The following ZMAT4 variants were observed in gnomAD, a reference collection of about 807,000 sequenced individuals.
ZMAT4 encodes the protein zinc finger matrin-type protein 4.
Under a neutral mutation model 28.7 loss-of-function variants are expected in ZMAT4, and 17 were observed. The observed-to-expected ratio is 0.59, with a 90% CI of 0.41 to 0.89. The LOEUF is 0.89. ZMAT4 is among the 40% of genes least tolerant of loss of function. The pLI is 0.00. For synonymous variants in ZMAT4, 117 were observed against 109.2 expected (o/e 1.07, Z -0.44); for missense variants, 240 against 283.8 (o/e 0.85, Z 1.11).
intron 3 of ZMAT4, among the ~76,000 whole-genome samples, chr8:40,747,619 T>C (rs1812293967): frequency 6.6e-6 from 1 of 151,324 alleles, no homozygotes. Flanking sequence ...CACATAAAAA[T>C]GCAAAGTATG....
At chr8:40,751,831 A>G (rs1812465090) in intron 3 of ZMAT4, among the ~76,000 whole-genome samples, 1 of 152,124 alleles carries the variant, frequency 6.6e-6, no homozygotes, top group Admixed American at 6.5e-5. Context: ...ATAATTTTTA[A>G]AATTATAATT....
chr8:40,802,308 G>GA (rs1814883700), intron 2 of ZMAT4, among the ~76,000 whole-genome samples: 1 of 152,132 alleles, frequency 6.6e-6, no homozygotes, highest in African/African-American at 2.4e-5. Context: ...CAAATGACAT[G>GA]ATTGTTTTTA....
In ZMAT4 at chr8:40,692,531, G is replaced by A. The variant is rs935826958; in HGVS notation, c.349+4714C>T. 2.0e-4 allele frequency among the ~76,000 whole-genome samples: 31 copies of A among 152,138 alleles called. 1 individual carries two copies. Among genetic ancestry groups the A allele is most frequent in the African/African-American group, 7.0e-4 (29 of 41,430 alleles). Reference sequence around the variant, plus strand: ...ATTTCTTGTTCGTGCAAAGTCTAACGCAGTTGAATGGCTCTCTTCCATCTT... The same window carrying A: ...ATTTCTTGTTCGTGCAAAGTCTAACACAGTTGAATGGCTCTCTTCCATCTT... On this transcript the variant is annotated intron_variant, in intron 4 of 6. Transcript: ENST00000297737.
chr8:40,742,641 C>T (rs1812055415), intron 3 of ZMAT4, among the ~76,000 whole-genome samples: 1 of 152,066 alleles, frequency 6.6e-6, no homozygotes, highest in African/African-American at 2.4e-5. Flanking sequence ...TTCATTTCCT[C>T]CCTCTAATCT....
intron 6 of ZMAT4, among the ~76,000 whole-genome samples, chr8:40,577,058 A>G (rs1804290957): frequency 6.6e-6 from 1 of 152,060 alleles, no homozygotes; most frequent in Admixed American, 6.6e-5. Context: ...GCCAGGCATT[A>G]TGGTGGATGC....
chr8:40,607,237 G>T (rs996514633), intron 5 of ZMAT4, among the ~76,000 whole-genome samples: 2 of 145,840 alleles, frequency 1.4e-5, no homozygotes, highest in South Asian at 2.2e-4. Context: ...CCATTCTCCT[G>T]CCTCAGCCTC....
chr8:40,571,426 A>C (rs1296042333), intron 6 of ZMAT4, among the ~76,000 whole-genome samples: 1 of 152,148 alleles, frequency 6.6e-6, no homozygotes, highest in Admixed American at 6.6e-5. Context: ...TCCATGTGAG[A>C]AGTTAGAGCC....
intron 3 of ZMAT4, among the ~76,000 whole-genome samples, chr8:40,744,838 C>T (rs1432845076): frequency 2.6e-5 from 4 of 152,210 alleles, no homozygotes; most frequent in Non-Finnish European, 2.9e-5. Context: ...CAGGCAAGCT[C>T]TAGTTCGGCA....
chr8:40,730,830 A>G (rs1563442058), intron 3 of ZMAT4, among the ~76,000 whole-genome samples: 1 of 152,186 alleles, frequency 6.6e-6, no homozygotes, highest in Non-Finnish European at 1.5e-5. Flanking sequence ...TATGGACTCT[A>G]TCTAATGTAA....
intron 6 of ZMAT4, among the ~76,000 whole-genome samples, chr8:40,571,866 T>C (rs1384364131): frequency 6.6e-6 from 1 of 152,170 alleles, no homozygotes; most frequent in Non-Finnish European, 1.5e-5. Flanking sequence ...GTGATACATA[T>C]TTTGTATTTT....
chr8:40,850,469 G>T (rs1817062083), intron 1 of ZMAT4, among the ~76,000 whole-genome samples: 1 of 152,168 alleles, frequency 6.6e-6, no homozygotes, highest in Non-Finnish European at 1.5e-5. Flanking sequence ...ACTGCAGACA[G>T]TCATGGAAAG....
intron 1 of ZMAT4, among the ~76,000 whole-genome samples, chr8:40,872,543 G>T (rs780416013): frequency 2.6e-5 from 4 of 152,180 alleles, no homozygotes; most frequent in Non-Finnish European, 5.9e-5. Context: ...CTGCCTTAGT[G>T]AGCTGTTGGG....
At chr8:40,613,180 C>CTTTTTTTTTT (rs34687121) in intron 5 of ZMAT4, among the ~76,000 whole-genome samples, 10 of 79,964 alleles carry the variant, frequency 1.3e-4, no homozygotes, top group Non-Finnish European at 1.5e-4. Context: ...TACTTTCTTT[C>CTTTTTTTTTT]TTTTTTTTTT....
At chr8:40,589,784 TTTC>T (rs1388954359) in intron 5 of ZMAT4, among the ~76,000 whole-genome samples, 3 of 138,852 alleles carry the variant, frequency 2.2e-5, no homozygotes, top group African/African-American at 5.0e-5. Flanking sequence ...CTTTCCTTTC[TTTC>T]TTTTCTTTTT....
Position 40,866,622 on chromosome 8 carries a change from G to A in ZMAT4, c.-5+31061C>T, listed in dbSNP as rs550859904. 2.0e-4 allele frequency among the ~76,000 whole-genome samples: 31 copies of A among 152,226 alleles called. No homozygotes were observed. The South Asian group carries it at 6.2e-3, about 31-fold the overall frequency. On this transcript the variant is annotated intron_variant, in intron 1 of 6. Coordinates refer to ENST00000297737, the MANE Select transcript of ZMAT4 (RefSeq NM_024645.3). The stretch of plus-strand genomic sequence containing the variant: ...TCCCCCTAAGTTCCTAAAAGAAGAG[G>A]GTTAGGAAAGGAAGTTGATGAATAA...
chr8:40,680,665 A>G (rs918937914), intron 4 of ZMAT4, among the ~76,000 whole-genome samples: 2 of 150,892 alleles, frequency 1.3e-5, no homozygotes, highest in Non-Finnish European at 2.9e-5. Context: ...CTGACAACAT[A>G]CACTCCTCTC....
chr8:40,651,483 G>A (rs369686484), intron 5 of ZMAT4, among the ~76,000 whole-genome samples: 46 of 150,434 alleles, frequency 3.1e-4, no homozygotes, highest in Non-Finnish European at 4.7e-4. Flanking sequence ...AATCAATATC[G>A]TGAAAATGGC....
At chr8:40,788,969 A>AAGGG (rs549808170) in intron 2 of ZMAT4, among the ~76,000 whole-genome samples, 9 of 136,494 alleles carry the variant, frequency 6.6e-5, no homozygotes, top group Middle Eastern at 3.5e-3. Flanking sequence ...GAGAGAGAGG[A>AAGGG]AGGGAGGGAG....
chr8:40,838,554 TG>T (rs1816582413), intron 1 of ZMAT4, among the ~76,000 whole-genome samples: 1 of 152,166 alleles, frequency 6.6e-6, no homozygotes, highest in Non-Finnish European at 1.5e-5. Context: ...TTGCCCAGGC[TG>T]GGGGTGATAC....
Sources: allele counts gnomAD v4.1 joint callset (sites outside exome capture counted in the v4.1 genomes callset), GRCh38; gene constraint gnomAD v4.1.1; transcripts MANE v1.5; gene names NCBI Gene and HGNC (gene_info 2026-07-23, HGNC 2026-07-21).